GPR137C: variants seen among roughly 807,000 people sequenced by gnomAD.
The protein encoded by GPR137C is G protein-coupled receptor 137C.
GPR137C carries 27 observed loss-of-function variants against 43.4 expected under a neutral mutation model. That is an observed-to-expected ratio of 0.62 (90% CI 0.46 to 0.86). The LOEUF (loss-of-function observed/expected upper bound fraction) is 0.86. Among genes scored for constraint, GPR137C ranks in the 40% least tolerant of loss-of-function variants. GPR137C has a pLI of 0.00. For missense variants in GPR137C, 522 were observed against 534.6 expected (o/e 0.98, Z 0.23); for synonymous variants, 285 against 226.9 (o/e 1.26, Z -2.30).
At chr14:52,629,249 C>T (rs1011254461) in intron 3 of GPR137C, among the ~76,000 whole-genome samples, 1 of 152,126 alleles carries the variant, frequency 6.6e-6, no homozygotes, top group African/African-American at 2.4e-5. Context: ...CACCATATGA[C>T]CCAGCAATTC....
In GPR137C at chr14:52,633,614, G is replaced by T; in HGVS notation, c.952G>T (p.Val318Leu). 1.2e-6 allele frequency: 2 copies of T among 1,613,140 alleles called. No homozygotes were observed. Among genetic ancestry groups the T allele is most frequent in the Non-Finnish European group, 1.7e-6 (2 of 1,179,342 alleles). ...GTGGGAACATGTGCCAGCATGGTCG[G>T]TGGTACTGTTTTTCCGGGCACAGAG... The part of the protein sequence containing the change: ...FLWEHVPAWS[V>L]VLFFRAQRLN... Residue 318 changes from valine to leucine, a missense_variant, in exon 5 of 7, where the codon GTG becomes TTG. Coordinates refer to ENST00000321662, the MANE Select transcript of GPR137C (RefSeq NM_001099652.2).
intron 1 of GPR137C, among the ~76,000 whole-genome samples, chr14:52,586,271 A>G (rs2038712677): frequency 6.6e-6 from 1 of 152,194 alleles, no homozygotes; most frequent in Middle Eastern, 3.2e-3. Context: ...AAAACATGAG[A>G]CATTCATAGA....
chr14:52,616,418 C>T (rs1282566540), intron 3 of GPR137C, among the ~76,000 whole-genome samples: 1 of 152,146 alleles, frequency 6.6e-6, no homozygotes, highest in South Asian at 2.1e-4. Flanking sequence ...GTTATCCCCA[C>T]AAGTAGCTGG....
At chr14:52,558,095 G>C (rs983091109) in intron 1 of GPR137C, among the ~76,000 whole-genome samples, 1 of 122,526 alleles carries the variant, frequency 8.2e-6, no homozygotes, top group Non-Finnish European at 1.7e-5. Context: ...GAAAAGGCCA[G>C]AAACTACCAA....
At chr14:52,588,775 T>C (rs1206591154) in intron 1 of GPR137C, among the ~76,000 whole-genome samples, 1 of 152,198 alleles carries the variant, frequency 6.6e-6, no homozygotes, top group African/African-American at 2.4e-5. Context: ...GAAAATTACA[T>C]GATAGTATAC....
chr14:52,577,514 G>GCA lies in GPR137C; in HGVS notation c.445-20757_445-20756insAC, dbSNP rs752625898. Reference sequence around the variant, plus strand: ...ACCAAACATGCACGCGTGCGCGCGCGCGCACACACACACACACACACACAC... The same window carrying GCA: ...ACCAAACATGCACGCGTGCGCGCGCGCACGCACACACACACACACACACACAC... On this transcript the variant is annotated intron_variant, in intron 1 of 6. Transcript: ENST00000321662. Among the ~76,000 whole-genome samples the GCA allele has an allele frequency of 5.3e-3, 633 of 118,540 alleles. 9 individuals carry two copies. Among genetic ancestry groups the GCA allele is most frequent in the Admixed American group, 0.033 (411 of 12,448 alleles). 77.8% of individuals were successfully genotyped at this position (118,540 alleles called of 152,430 possible).
intron 3 of GPR137C, among the ~76,000 whole-genome samples, chr14:52,625,356 C>A (rs185455376): frequency 2.6e-4 from 40 of 151,342 alleles, no homozygotes; most frequent in Non-Finnish European, 5.5e-4. Context: ...GTGGCGCGCA[C>A]CTGTACTCGC....
At position 52,636,520 on chromosome 14, in the gene GPR137C, C is replaced by A. The variant is rs547969655; in HGVS notation, c.*1405C>A. On this transcript the variant is annotated 3_prime_UTR_variant, in exon 7 of 7. Coordinates refer to ENST00000321662, the MANE Select transcript of GPR137C (RefSeq NM_001099652.2). ...TATTTCTTCAGAACTGGAACTAATA[C>A]GACTATCCTTTTCTGTTTTATACTT... 3 of 152,064 alleles carry A rather than the reference C, an allele frequency of 2.0e-5. No homozygotes were observed. Among genetic ancestry groups the A allele is most frequent in the African/African-American group, 7.2e-5 (3 of 41,442 alleles). The allele number at this position is 152,064 out of a possible 1,614,324, so 9.4% of individuals were successfully genotyped here.
At chr14:52,597,674 C>T (rs753459919) in intron 1 of GPR137C, among the ~76,000 whole-genome samples, 15 of 152,146 alleles carry the variant, frequency 9.9e-5, no homozygotes, top group African/African-American at 2.2e-4. Flanking sequence ...ATACTATGTT[C>T]GCAGAATATA....
intron 3 of GPR137C, among the ~76,000 whole-genome samples, chr14:52,618,611 A>G (rs1165786793): frequency 2.0e-5 from 3 of 152,010 alleles, no homozygotes; most frequent in Admixed American, 2.0e-4. Context: ...CAGAATTATA[A>G]CTTTTTATCA....
At position 52,626,912 on chromosome 14, in the gene GPR137C, A is replaced by G. The variant is rs76932883; in HGVS notation, c.718-5248A>G. On this transcript the variant is annotated intron_variant, in intron 3 of 6. Transcript: ENST00000321662. ...TTAGGAATAAATTTTCCAAAAAGCAAGCAATATCTGTATACTGAAAACTAC... is the reference window on the plus strand; with the variant it reads ...TTAGGAATAAATTTTCCAAAAAGCAGGCAATATCTGTATACTGAAAACTAC... Among the ~76,000 whole-genome samples, 794 of 152,340 alleles carry G rather than the reference A, an allele frequency of 5.2e-3. 5 individuals are homozygous for G. Among genetic ancestry groups the G allele is most frequent in the African/African-American group, 0.018 (740 of 41,586 alleles).
At chr14:52,633,798 T>G in intron 5 of GPR137C, 30 bp from the exon 6 acceptor site, 1 of 1,551,870 alleles carries the variant, frequency 6.4e-7, no homozygotes, top group South Asian at 1.1e-5. Context: ...AAGTAAAACC[T>G]TCATATGCTA....
At chr14:52,567,107 C>G (rs559856560) in intron 1 of GPR137C, among the ~76,000 whole-genome samples, 1 of 151,406 alleles carries the variant, frequency 6.6e-6, no homozygotes, top group Admixed American at 6.6e-5. Flanking sequence ...AGTGAGACAC[C>G]GTCTGAAAAA....
At chr14:52,564,138 G>T (rs2139442934) in intron 1 of GPR137C, among the ~76,000 whole-genome samples, 1 of 152,176 alleles carries the variant, frequency 6.6e-6, no homozygotes, top group African/African-American at 2.4e-5. Flanking sequence ...AGCTGGGTGT[G>T]GTGGCACACA....
At chr14:52,553,677 G>A in intron 1 of GPR137C, 86 bp downstream of exon 1, 1 of 747,444 alleles carries the variant, frequency 1.3e-6, no homozygotes, top group Non-Finnish European at 2.1e-6. Context: ...GCGGGGGCGG[G>A]GGGTGGGCAG....
chr14:52,595,669 A>G (rs944710155), intron 1 of GPR137C, among the ~76,000 whole-genome samples: 1 of 152,180 alleles, frequency 6.6e-6, no homozygotes, highest in Admixed American at 6.5e-5. Flanking sequence ...CAGCTCCATC[A>G]GGTCATTTAA....
chr14:52,632,214 T>A lies in GPR137C; in HGVS notation c.772T>A (p.Ser258Thr). The A allele has an allele frequency of 6.2e-7, 1 of 1,606,856 alleles. No homozygotes were observed. The highest frequency in any genetic ancestry group is 8.5e-7 in the Non-Finnish European group (1 of 1,173,460). ...VVGSVVILLY[S>T]SRACYNLVVV... ...GGGCTCTGTAGTCATTCTTCTGTAC[T>A]CTTCCAGAGCTTGTTATAATTTGGT... The change falls in exon 4 of 7, where the codon TCT (serine) becomes ACT (threonine). Residue 258 changes from serine (S) to threonine (T), a missense_variant. Around this residue, in one of 3 missense-constraint regions of GPR137C, gnomAD observed 437 missense variants for 425.7 expected, o/e 1.03. Coordinates refer to ENST00000321662, the MANE Select transcript of GPR137C (RefSeq NM_001099652.2).
intron 1 of GPR137C, among the ~76,000 whole-genome samples, chr14:52,578,332 T>G (rs1046744153): frequency 1.3e-5 from 2 of 152,200 alleles, no homozygotes; most frequent in Non-Finnish European, 2.9e-5. Flanking sequence ...TAAATGAATC[T>G]TTTTCTTTTC....
intron 1 of GPR137C, among the ~76,000 whole-genome samples, chr14:52,556,282 G>A (rs919912734): frequency 3.3e-5 from 5 of 151,938 alleles, no homozygotes; most frequent in Admixed American, 1.3e-4. Context: ...ATAAAGAATC[G>A]TGGATCAGTA....
Sources: gnomAD v4.1 joint callset for allele counts (sites outside exome capture counted in the v4.1 genomes callset) on GRCh38, gnomAD v4.1.1 for gene constraint, gnomAD v4.1.1 regional missense constraint, MANE v1.5 for transcripts, NCBI Gene and HGNC (gene_info 2026-07-23, HGNC 2026-07-21) for gene names.